SEC24A: variants seen among roughly 807,000 people sequenced by gnomAD.
SEC24A encodes the protein protein transport protein Sec24A.
Under a neutral mutation model 129.4 loss-of-function variants are expected in SEC24A, and 93 were observed. The observed-to-expected ratio is 0.72, with a 90% confidence interval of 0.61 to 0.85. SEC24A has a LOEUF of 0.85. Ranked by LOEUF, SEC24A falls within the 40% of genes least tolerant of loss-of-function variation. The probability of loss-of-function intolerance (pLI) is 0.00; values close to 1 mark genes in which losing one functional copy is unlikely to be tolerated. For synonymous variants in SEC24A, 460 were observed against 467.3 expected, an observed-to-expected ratio of 0.98 and a Z score of 0.20; for missense variants, 1,264 against 1,307.4, an observed-to-expected ratio of 0.97 and a Z score of 0.51.
intron 10 of SEC24A, 148 bp downstream of exon 10, chr5:134,687,050 G>A (rs1011670855): frequency 1.8e-5 from 9 of 490,504 alleles, no homozygotes; most frequent in South Asian, 9.6e-5. Flanking sequence ...CTTTCTCTTC[G>A]AAACATTATT....
intron 1 of SEC24A, among the ~76,000 whole-genome samples, chr5:134,654,230 A>T (rs1253532544): frequency 1.3e-5 from 2 of 151,554 alleles, no homozygotes; most frequent in African/African-American, 4.8e-5. Context: ...ATATATATAT[A>T]TATTTTTTGA....
At chr5:134,699,785 C>T (rs1351609110) in intron 15 of SEC24A, among the ~76,000 whole-genome samples, 1 of 150,998 alleles carries the variant, frequency 6.6e-6, no homozygotes. Flanking sequence ...CTGCAACCTC[C>T]ATCTCCCAGG....
intron 1 of SEC24A, among the ~76,000 whole-genome samples, chr5:134,649,458 G>C (rs1210338246): frequency 1.3e-5 from 2 of 152,054 alleles, no homozygotes; most frequent in Non-Finnish European, 2.9e-5. Context: ...CTCAAAACTC[G>C]AATATAAGGA....
Position 134,666,996 on chromosome 5 carries a change from G to A in SEC24A, c.739G>A (p.Gly247Ser). ...PLFNSAVNQE[G>S]ITSNTNNGSM... The stretch of plus-strand genomic sequence containing the variant: ...ATTTAATTCAGCTGTCAACCAAGAA[G>A]GTAAGTGAACCAAGAAACAAAGTCA... The change falls in exon 3 of 23, where the codon GGT becomes AGT. Residue 247 changes from glycine to serine, a missense_variant and splice_region_variant. Coordinates refer to ENST00000398844, the MANE Select transcript of SEC24A (RefSeq NM_021982.3). The A allele has an allele frequency of 6.5e-7, 1 of 1,545,504 alleles. No individual in the cohort carries two copies. Among genetic ancestry groups the A allele is most frequent in the Non-Finnish European group, 8.7e-7 (1 of 1,151,150 alleles).
chr5:134,693,623 A>G, intron 12 of SEC24A, 104 bp from the exon 13 acceptor site: 1 of 1,472,776 alleles, frequency 6.8e-7, no homozygotes. Context: ...AGATTCTCTG[A>G]CCATCATCAT....
chr5:134,713,704 T>C (rs1231067529), intron 18 of SEC24A, among the ~76,000 whole-genome samples: 1 of 152,120 alleles, frequency 6.6e-6, no homozygotes, highest in Non-Finnish European at 1.5e-5. Context: ...CTGCCTGTTT[T>C]ACTCCTTTCC....
chr5:134,696,454 CT>C (rs913518668), intron 13 of SEC24A, among the ~76,000 whole-genome samples: 1 of 151,750 alleles, frequency 6.6e-6, no homozygotes, highest in Non-Finnish European at 1.5e-5. Flanking sequence ...AGATATATTT[CT>C]TTTTAAAAAT....
In SEC24A at chr5:134,678,050, C is replaced by A. The variant is rs1395105291; in HGVS notation, c.1255-1552C>A. Among the ~76,000 whole-genome samples the A allele has an allele frequency of 3.3e-5, 5 of 152,184 alleles. No homozygotes were observed. In the East Asian group the frequency reaches 7.7e-4, roughly 23 times the overall value. Reference sequence around the variant, plus strand: ...TTTATTTATTTATTAGAGACCGGGTCTCTCGTTGTCACCCAGGTTAGAGTG... The same window carrying A: ...TTTATTTATTTATTAGAGACCGGGTATCTCGTTGTCACCCAGGTTAGAGTG... On this transcript the variant is annotated intron_variant, in intron 7 of 22. Transcript: ENST00000398844.
At chr5:134,682,922 A>G (rs968379155) in intron 9 of SEC24A, among the ~76,000 whole-genome samples, 1 of 152,164 alleles carries the variant, frequency 6.6e-6, no homozygotes, top group African/African-American at 2.4e-5. Context: ...TACTAAAGTA[A>G]TTAATATATA....
At chr5:134,680,580 A>G (rs1751231557) in intron 8 of SEC24A, among the ~76,000 whole-genome samples, 1 of 151,946 alleles carries the variant, frequency 6.6e-6, no homozygotes, top group African/African-American at 2.4e-5. Context: ...TGATCTGCCC[A>G]CCTCAGGCTC....
In SEC24A at chr5:134,676,244, AT is replaced by A. The variant is rs892492988; in HGVS notation, c.1254+123del. Reference sequence around the variant, plus strand: ...AACCTCTGCCCTCCATGTTCAAGTGATTTTCCTGCCTCAGCCTCCCTAGTAG... The same window carrying A: ...AACCTCTGCCCTCCATGTTCAAGTGATTTCCTGCCTCAGCCTCCCTAGTAG... On this transcript the variant is annotated intron_variant, in intron 7 of 22. Coordinates refer to ENST00000398844, the MANE Select transcript of SEC24A (RefSeq NM_021982.3). 1.8e-5 allele frequency: 11 copies of A among 628,068 alleles called. No homozygotes were observed. The African/African-American group carries it at 1.9e-4, about 11-fold the overall frequency. The allele number at this position is 628,068 out of a possible 1,614,324, so 38.9% of individuals were successfully genotyped here. A position where few individuals can be genotyped will look rare whatever the true frequency, so the allele number is the denominator to read the frequency against.
intron 7 of SEC24A, among the ~76,000 whole-genome samples, chr5:134,676,436 C>CTTTTT (rs1751064613): frequency 6.7e-5 from 6 of 89,300 alleles, no homozygotes; most frequent in Non-Finnish European, 1.5e-4. Flanking sequence ...CTGCGCCCGG[C>CTTTTT]TCTTTTTTTT....
chr5:134,680,180 A>G (rs1343598260), intron 8 of SEC24A, among the ~76,000 whole-genome samples: 1 of 152,182 alleles, frequency 6.6e-6, no homozygotes, highest in Non-Finnish European at 1.5e-5. Flanking sequence ...ATTGAGGAGG[A>G]GGAGATTTCT....
At chr5:134,671,125 A>G (rs1338034516) in intron 3 of SEC24A, among the ~76,000 whole-genome samples, 4 of 151,264 alleles carry the variant, frequency 2.6e-5, no homozygotes, top group Non-Finnish European at 5.9e-5. Flanking sequence ...GCTCACAGCA[A>G]CCTCTGCCTC....
At chr5:134,717,004 C>T (rs912962669) in intron 19 of SEC24A, among the ~76,000 whole-genome samples, 6 of 150,676 alleles carry the variant, frequency 4.0e-5, no homozygotes, top group South Asian at 2.1e-4. Flanking sequence ...CTCAGCCTCC[C>T]GAGTAGCTGG....
At chr5:134,672,239 G>A (rs1750891016) in intron 4 of SEC24A, among the ~76,000 whole-genome samples, 2 of 152,106 alleles carry the variant, frequency 1.3e-5, no homozygotes, top group African/African-American at 2.4e-5. Context: ...TTAGGCTGGA[G>A]TGCAGTGGCA....
intron 11 of SEC24A, among the ~76,000 whole-genome samples, chr5:134,689,065 C>G (rs145797689): frequency 0.011 from 1,635 of 152,182 alleles, 31 homozygotes; most frequent in African/African-American, 0.037. Flanking sequence ...GCAATACTGC[C>G]TATGTAAGAG....
rs554278319 is a variant in SEC24A at position 134,662,293 on chromosome 5, T to C, written c.565+707T>C. On this transcript the variant is annotated intron_variant, in intron 2 of 22. Coordinates refer to ENST00000398844, the MANE Select transcript of SEC24A (RefSeq NM_021982.3). ...CCTCAGCCTCCCGAGTAGCTGGGAC[T>C]ACAGGTGCCCGCCACCACGCCCGGC... is the stretch of plus-strand genomic sequence containing the variant. Among the ~76,000 whole-genome samples, 506 of 152,174 alleles carry C rather than the reference T, an allele frequency of 3.3e-3. 3 individuals carry two copies. The highest frequency in any genetic ancestry group is 0.012 in the African/African-American group (484 of 41,544).
intron 6 of SEC24A, 147 bp downstream of exon 6, chr5:134,675,364 TTA>T: frequency 1.6e-6 from 1 of 620,252 alleles, no homozygotes. Flanking sequence ...ACTTGTTTAC[TTA>T]ATAGAGATTT....
Sources: allele counts gnomAD v4.1 joint callset (sites outside exome capture counted in the v4.1 genomes callset), GRCh38; gene constraint gnomAD v4.1.1; transcripts MANE v1.5; gene names NCBI Gene and HGNC (gene_info 2026-07-23, HGNC 2026-07-21).